The following MYH15 variants were observed in gnomAD, a reference collection of about 807,000 sequenced individuals.
MYH15 encodes the protein myosin-15.
Under a neutral mutation model 240.5 loss-of-function variants are expected in MYH15, and 227 were observed. The ratio of observed to expected loss-of-function variants is 0.94; its 90% CI spans 0.85 to 1.05. The LOEUF is 1.05. MYH15 is among the 50% of genes least tolerant of loss of function. The pLI is 0.00. For missense variants in MYH15, 2,217 were observed against 2,247.5 expected (o/e 0.99, Z 0.27); for synonymous variants, 785 against 796.7 (o/e 0.99, Z 0.25).
intron 11 of MYH15, among the ~76,000 whole-genome samples, chr3:108,478,528 G>A (rs909061715): frequency 6.6e-6 from 1 of 152,092 alleles, no homozygotes; most frequent in African/African-American, 2.4e-5. Context: ...TCAAATCATA[G>A]ACTTTTTGAA....
At chr3:108,417,838 TAAAC>T (rs772771108) in intron 28 of MYH15, among the ~76,000 whole-genome samples, 21 of 151,088 alleles carry the variant, frequency 1.4e-4, no homozygotes, top group African/African-American at 1.7e-4. Context: ...TATACACACT[TAAAC>T]ACACACATAT....
intron 12 of MYH15, among the ~76,000 whole-genome samples, chr3:108,475,935 A>T (rs2083216536): frequency 6.6e-6 from 1 of 152,166 alleles, no homozygotes. Context: ...TGTTTTCAAC[A>T]CACACCTCCT....
At chr3:108,547,805 C>T in the MYH15 span, among the ~76,000 whole-genome samples, 1 of 152,116 alleles carries the variant, frequency 6.6e-6, no homozygotes, top group Non-Finnish European at 1.5e-5. Flanking sequence ...AAATTAATAA[C>T]TGATTCAAGT....
In MYH15 at chr3:108,464,880, T is replaced by C. The variant is rs2107583593; in HGVS notation, c.1555-66A>G. ...ACCGGCACTTTCAGTAGGGGGTCAG[T>C]ATAAATTCTTTCCCAGGAACCTAAT... On this transcript the variant is annotated intron_variant, in intron 14 of 40. Transcript: ENST00000693548. 5 of 1,396,332 alleles carry C rather than the reference T, an allele frequency of 3.6e-6. No homozygotes were observed. In the South Asian group the frequency reaches 7.2e-5, roughly 20 times the overall value. The allele number at this position is 1,396,332 out of a possible 1,614,324, so 86.5% of individuals were successfully genotyped here.
At chr3:108,514,606 C>A (rs1191198760), upstream of MYH15, among the ~76,000 whole-genome samples, 1 of 151,748 alleles carries the variant, frequency 6.6e-6, no homozygotes, top group African/African-American at 2.4e-5. Flanking sequence ...TTAGACAAAT[C>A]TGTAGAGAGA....
chr3:108,540,672 C>T, the MYH15 span, among the ~76,000 whole-genome samples: 24 of 151,990 alleles, frequency 1.6e-4, no homozygotes, highest in Admixed American at 5.9e-4. Flanking sequence ...AGTTAAAACA[C>T]GTATATCTTA....
intron 28 of MYH15, among the ~76,000 whole-genome samples, chr3:108,418,757 G>GTGT (rs3053516): frequency 1 from 150,814 of 151,086 alleles, 75,271 homozygotes; most frequent in Middle Eastern, 1. Flanking sequence ...TCAGCCTCCC[G>GTGT]TGTTGTTGTT....
In MYH15 at chr3:108,414,334, T is replaced by G. The variant is rs753074133; in HGVS notation, c.4043A>C (p.Glu1348Ala). Residue 1348 changes from glutamate to alanine, a missense_variant, in exon 30 of 41, where the codon GAG becomes GCG. Transcript: ENST00000693548. ...GACTTTGGATAAGGTCCGGTGCAGC[T>G]CAGCCTTGACCTCTTGTTCTTCCTC... ...QYEEEQEVKA[E>A]LHRTLSKVNA... 41 of 1,614,096 alleles carry G rather than the reference T, an allele frequency of 2.5e-5. No homozygotes were observed. The South Asian group carries it at 4.2e-4, about 16-fold the overall frequency.
intron 26 of MYH15, among the ~76,000 whole-genome samples, chr3:108,429,472 A>G (rs577684362): frequency 3.9e-5 from 6 of 152,332 alleles, no homozygotes; most frequent in Admixed American, 6.5e-5. Flanking sequence ...AATGTGGACT[A>G]CTAAAGCGAG....
At chr3:108,405,244 AC>A in intron 33 of MYH15, 93 bp downstream of exon 33, 1 of 568,384 alleles carries the variant, frequency 1.8e-6, no homozygotes, top group Non-Finnish European at 2.9e-6. Flanking sequence ...TAATGCTCCA[AC>A]AGGGGCCATA....
chr3:108,394,408 T>G (rs2082443994), intron 35 of MYH15, among the ~76,000 whole-genome samples: 1 of 152,190 alleles, frequency 6.6e-6, no homozygotes, highest in African/African-American at 2.4e-5. Context: ...GAAGGGTATC[T>G]AGATAACCTA....
chr3:108,526,488 G>C (rs1408826317), intron 1 of MYH15, among the ~76,000 whole-genome samples: 1 of 152,120 alleles, frequency 6.6e-6, no homozygotes, highest in African/African-American at 2.4e-5. Flanking sequence ...TATTGAGCCT[G>C]ACACAGAATG....
In MYH15 at chr3:108,439,754, C is replaced by A. The variant is rs201884560; in HGVS notation, c.3058G>T (p.Glu1020Ter). Reference protein sequence around the residue: ...SSLSKANLKLEQQVDELEGAL... With the variant: ...SSLSKANLKL Reference sequence around the variant, plus strand: ...TTACTGACCTCATCAACTTGCTGTTCCAGCTTCAGATTTGCTTTGCTCAGG... The same window carrying A: ...TTACTGACCTCATCAACTTGCTGTTACAGCTTCAGATTTGCTTTGCTCAGG... The change falls in exon 24 of 41, where the codon GAA (glutamate) becomes TAA (stop). Residue 1020 changes from glutamate to a stop codon, truncating the protein, a stop_gained. Coordinates refer to ENST00000693548, the MANE Select transcript of MYH15 (RefSeq NM_014981.3). LOFTEE classifies it high-confidence loss of function. 1.2e-6 allele frequency: 2 copies of A among 1,603,996 alleles called. No homozygotes were observed. The highest frequency in any genetic ancestry group is 2.2e-5 in the East Asian group (1 of 44,508).
At chr3:108,433,628 A>G (rs535352281) in intron 25 of MYH15, among the ~76,000 whole-genome samples, 1 of 152,142 alleles carries the variant, frequency 6.6e-6, no homozygotes, top group Non-Finnish European at 1.5e-5. Flanking sequence ...TGCTGTTCTC[A>G]TGATAGTGAG....
the MYH15 span, among the ~76,000 whole-genome samples, chr3:108,535,247 A>G: frequency 1.3e-5 from 2 of 152,180 alleles, no homozygotes; most frequent in Non-Finnish European, 2.9e-5. Flanking sequence ...GTAAAATACC[A>G]TGAACTGGGT....
At chr3:108,448,808 G>A (rs1373753893) in intron 21 of MYH15, among the ~76,000 whole-genome samples, 2 of 151,156 alleles carry the variant, frequency 1.3e-5, no homozygotes, top group African/African-American at 4.9e-5. Flanking sequence ...AGCAAAAAGA[G>A]GAAACAAAAG....
rs1472220284 is a variant in MYH15, at chr3:108,505,848, A to C, written c.89-19T>G. The C allele has an allele frequency of 6.5e-7, 1 of 1,531,250 alleles. No individual in the cohort carries two copies. Among genetic ancestry groups the C allele is most frequent in the African/African-American group, 1.4e-5 (1 of 72,216 alleles). The allele number at this position is 1,531,250 out of a possible 1,614,324, so 94.9% of individuals were successfully genotyped here. On this transcript the variant is annotated intron_variant, in intron 1 of 40. Transcript: ENST00000693548. ...TTCTTCCCTGTAGAGCAAAAAAAAA[A>C]AAAAATGGATTATAGCTATAGTACT...
chr3:108,508,967 GTAT>G (rs1436826880), intron 1 of MYH15, among the ~76,000 whole-genome samples: 2 of 152,120 alleles, frequency 1.3e-5, no homozygotes, highest in African/African-American at 4.8e-5. Flanking sequence ...GACCGGACAA[GTAT>G]TATTATCTCC....
At chr3:108,397,088 T>C (rs2082467512) in intron 35 of MYH15, among the ~76,000 whole-genome samples, 1 of 152,206 alleles carries the variant, frequency 6.6e-6, no homozygotes, top group Admixed American at 6.5e-5. Context: ...TAATCTGTCC[T>C]TCACAATAAT....
Sources: gnomAD v4.1 joint callset for allele counts (sites outside exome capture counted in the v4.1 genomes callset) on GRCh38, gnomAD v4.1.1 for gene constraint, MANE v1.5 for transcripts, NCBI Gene and HGNC (gene_info 2026-07-23, HGNC 2026-07-21) for gene names.